The following LIPA variants were observed in gnomAD, a reference collection of about 807,000 sequenced individuals.
The protein encoded by LIPA is lipase A, lysosomal acid type.
LIPA carries 26 observed loss-of-function variants against 40.6 expected under a neutral mutation model. The ratio of observed to expected loss-of-function variants is 0.64; its 90% CI spans 0.47 to 0.89. The LOEUF (loss-of-function observed/expected upper bound fraction) is 0.89, where lower values mean the gene tolerates loss of function less well. LIPA is among the 40% of genes least tolerant of loss of function. LIPA has a pLI of 0.00. For synonymous variants in LIPA, 188 were observed against 168.4 expected (o/e 1.12, Z -0.90); for missense variants, 455 against 479.6 (o/e 0.95, Z 0.48).
chr10:89,231,702 T>G (rs910513303), intron 3 of LIPA, among the ~76,000 whole-genome samples: 24 of 152,288 alleles, frequency 1.6e-4, no homozygotes, highest in Admixed American at 5.2e-4. Flanking sequence ...GGTCTCAAAC[T>G]CCTGGCCTCA....
At chr10:89,240,091 G>T (rs115778471) in intron 3 of LIPA, among the ~76,000 whole-genome samples, 2,718 of 152,304 alleles carry the variant, frequency 0.018, 64 homozygotes, top group African/African-American at 0.059. Context: ...AGCACCTGCA[G>T]GGGACACAGG....
chr10:89,373,612 G>A (rs1844105401), intron 2 of LIPA, among the ~76,000 whole-genome samples: 1 of 152,058 alleles, frequency 6.6e-6, no homozygotes. Context: ...GGATTATTAA[G>A]GTGCACAAGG....
At chr10:89,380,856 T>G (rs982844613) in intron 2 of LIPA, among the ~76,000 whole-genome samples, 2 of 152,204 alleles carry the variant, frequency 1.3e-5, no homozygotes, top group African/African-American at 4.8e-5. Flanking sequence ...TAGGGTGATA[T>G]TCTACTCCTT....
At chr10:89,244,770 T>C (rs1045131153) in intron 3 of LIPA, among the ~76,000 whole-genome samples, 15 of 152,144 alleles carry the variant, frequency 9.9e-5, no homozygotes, top group African/African-American at 3.6e-4. Context: ...TATATGTATA[T>C]ATATACTTTT....
intron 3 of LIPA, among the ~76,000 whole-genome samples, chr10:89,231,899 C>T (rs1282319293): frequency 1.3e-5 from 2 of 152,154 alleles, no homozygotes; most frequent in East Asian, 1.9e-4. Context: ...TCATCTTTGC[C>T]TTCAAAGGTT....
chr10:89,219,209 T>G (rs1842665994), intron 8 of LIPA, among the ~76,000 whole-genome samples: 1 of 152,146 alleles, frequency 6.6e-6, no homozygotes, highest in Non-Finnish European at 1.5e-5. Context: ...TCTAAGGCAC[T>G]TAACTCAAAC....
At position 89,279,089 on chromosome 10, in the gene LIPA, C is replaced by G. The variant is rs950360266; in HGVS notation, c.-1-31440G>C. 5.9e-5 allele frequency among the ~76,000 whole-genome samples: 9 copies of G among 152,134 alleles called. No individual in the cohort carries two copies. The South Asian group carries it at 6.2e-4, about 11-fold the overall frequency. On this transcript the variant is annotated intron_variant, in intron 1 of 5. Transcript: ENST00000282673. The stretch of plus-strand genomic sequence containing the variant: ...TAATCTGGCCCAGAAAAATAGCCAC[C>G]ATTCTTGACTACATTAATAGAAATA...
intron 1 of LIPA, among the ~76,000 whole-genome samples, chr10:89,331,684 C>T (rs1843652582): frequency 6.6e-6 from 1 of 151,640 alleles, no homozygotes; most frequent in African/African-American, 2.4e-5. Context: ...CATAGTGAGA[C>T]CCCGTCTGTA....
chr10:89,400,201 A>G (rs534579839), intron 2 of LIPA, among the ~76,000 whole-genome samples: 1 of 152,352 alleles, frequency 6.6e-6, no homozygotes, highest in East Asian at 1.9e-4. Flanking sequence ...TTTTGAAATC[A>G]GAATGTGTGA....
At chr10:89,314,266 C>T (rs193220926) in intron 1 of LIPA, among the ~76,000 whole-genome samples, 13 of 152,256 alleles carry the variant, frequency 8.5e-5, no homozygotes, top group Non-Finnish European at 1.5e-4. Context: ...AATACTCATA[C>T]GCAGGAACCT....
intron 1 of LIPA, among the ~76,000 whole-genome samples, chr10:89,250,107 C>CTTTCTTTTTTTTTTT (rs573748456): frequency 4.2e-5 from 4 of 96,064 alleles, no homozygotes; most frequent in Admixed American, 2.4e-4. Flanking sequence ...TCTTTTCTTT[C>CTTTCTTTTTTTTTTT]TTTTTTTTTT....
At chr10:89,316,423 T>C (rs1031526059) in intron 1 of LIPA, among the ~76,000 whole-genome samples, 9 of 152,256 alleles carry the variant, frequency 5.9e-5, no homozygotes, top group African/African-American at 2.2e-4. Context: ...GATTATATCC[T>C]GCTCCTGGCT....
chr10:89,324,381 G>A (rs543078933), intron 1 of LIPA, among the ~76,000 whole-genome samples: 2 of 152,178 alleles, frequency 1.3e-5, no homozygotes, highest in East Asian at 3.9e-4. Flanking sequence ...ATCAACTCAA[G>A]ATGGATGAAA....
chr10:89,258,220 C>T (rs1843190520), intron 1 of LIPA, among the ~76,000 whole-genome samples: 1 of 152,116 alleles, frequency 6.6e-6, no homozygotes, highest in Admixed American at 6.5e-5. Flanking sequence ...GGTGCTAGAA[C>T]ACTTGAATAG....
intron 1 of LIPA, among the ~76,000 whole-genome samples, chr10:89,293,412 C>G (rs1198619691): frequency 6.6e-6 from 1 of 152,164 alleles, no homozygotes; most frequent in Non-Finnish European, 1.5e-5. Flanking sequence ...TTTTCTCCAC[C>G]CATATGTAAT....
chr10:89,356,971 G>C (rs1481504857), intron 2 of LIPA, among the ~76,000 whole-genome samples: 1 of 152,158 alleles, frequency 6.6e-6, no homozygotes, highest in Non-Finnish European at 1.5e-5. Context: ...CCCAGAGGTT[G>C]GGGGATGGGG....
intron 1 of LIPA, among the ~76,000 whole-genome samples, chr10:89,320,224 C>A (rs1038928708): frequency 6.6e-6 from 1 of 152,134 alleles, no homozygotes; most frequent in Non-Finnish European, 1.5e-5. Flanking sequence ...CCAGGGCAAT[C>A]AGGCAGGAGA....
At chr10:89,294,096 T>C (rs893027359) in intron 1 of LIPA, among the ~76,000 whole-genome samples, 1 of 152,230 alleles carries the variant, frequency 6.6e-6, no homozygotes, top group Non-Finnish European at 1.5e-5. Context: ...CAAATACTCC[T>C]AGTGTTCTAA....
chr10:89,394,049 G>A (rs1282618870), intron 2 of LIPA, among the ~76,000 whole-genome samples: 3 of 152,162 alleles, frequency 2.0e-5, no homozygotes, highest in African/African-American at 4.8e-5. Context: ...GTCATGCATC[G>A]TGTAACAATG....
Sources: gnomAD v4.1 joint callset for allele counts (sites outside exome capture counted in the v4.1 genomes callset) on GRCh38, gnomAD v4.1.1 for gene constraint, MANE v1.5 for transcripts, NCBI Gene and HGNC (gene_info 2026-07-23, HGNC 2026-07-21) for gene names.